KIF6: variants seen among roughly 807,000 people sequenced by gnomAD.
KIF6 encodes the protein kinesin-like protein KIF6.
In KIF6, 106 loss-of-function variants were observed where a neutral mutation model predicts 112.7. The observed-to-expected ratio is 0.94, with a 90% CI of 0.80 to 1.11. The LOEUF (loss-of-function observed/expected upper bound fraction) is 1.11, where lower values mean the gene tolerates loss of function less well. Among genes scored for constraint, KIF6 ranks in the 50% least tolerant of loss-of-function variants. The pLI is 0.00. For missense variants in KIF6, 929 were observed against 964.0 expected, an observed-to-expected ratio of 0.96 and a Z score of 0.48; for synonymous variants, 339 against 339.9, an observed-to-expected ratio of 1.00 and a Z score of 0.03.
chr6:39,387,556 T>C (rs566587554), intron 15 of KIF6, among the ~76,000 whole-genome samples: 45 of 151,648 alleles, frequency 3.0e-4, no homozygotes, highest in Non-Finnish European at 5.4e-4. Flanking sequence ...GGGGGAAGGG[T>C]GGGAACTTCA....
intron 3 of KIF6, among the ~76,000 whole-genome samples, chr6:39,661,748 G>A (rs1340110059): frequency 2.0e-5 from 3 of 152,086 alleles, no homozygotes; most frequent in East Asian, 1.9e-4. Flanking sequence ...GGCCCTTTCC[G>A]TGAAAAGCCG....
chr6:39,644,031 A>C (rs1327838807), intron 3 of KIF6, among the ~76,000 whole-genome samples: 1 of 152,180 alleles, frequency 6.6e-6, no homozygotes, highest in Admixed American at 6.6e-5. Flanking sequence ...ATTCGAATAG[A>C]CATTTCTCTA....
chr6:39,689,443 G>T lies in KIF6; in HGVS notation c.251+25249C>A, dbSNP rs566649529. 1.7e-3 allele frequency among the ~76,000 whole-genome samples: 255 copies of T among 151,608 alleles called. 2 individuals carry two copies. The highest frequency in any genetic ancestry group is 5.7e-3 in the African/African-American group (236 of 41,314). On this transcript the variant is annotated intron_variant, in intron 3 of 22. Transcript: ENST00000287152. Reference sequence around the variant, plus strand: ...CGTGGGGAGGCTGAGGCTGCAATGAGCCCTGGTCACACCACTGCACTCCAG... The same window carrying T: ...CGTGGGGAGGCTGAGGCTGCAATGATCCCTGGTCACACCACTGCACTCCAG...
chr6:39,669,001 A>T (rs991020728), intron 3 of KIF6, among the ~76,000 whole-genome samples: 2 of 152,176 alleles, frequency 1.3e-5, no homozygotes, highest in East Asian at 3.9e-4. Flanking sequence ...GTGAGAAAGT[A>T]ACTTGAATAA....
rs114126041 is a variant in KIF6, at chr6:39,524,930, G to C, written c.1645+15073C>G. ...ATAATCCACTGGCAAAGTAATTTGG[G>C]GATGCAATGTTCAATAAAATGAAAA... On this transcript the variant is annotated intron_variant, in intron 13 of 22. Coordinates refer to ENST00000287152, the MANE Select transcript of KIF6 (RefSeq NM_145027.6). 4.9e-3 allele frequency among the ~76,000 whole-genome samples: 746 copies of C among 152,248 alleles called. 5 individuals are homozygous for C. The highest frequency in any genetic ancestry group is 0.017 in the African/African-American group (700 of 41,538).
At chr6:39,602,956 G>A (rs965187693) in intron 6 of KIF6, among the ~76,000 whole-genome samples, 1 of 152,068 alleles carries the variant, frequency 6.6e-6, no homozygotes, top group Non-Finnish European at 1.5e-5. Context: ...TAACATTTGC[G>A]CATATAGACA....
intron 3 of KIF6, among the ~76,000 whole-genome samples, chr6:39,659,110 A>G (rs1785974183): frequency 6.6e-6 from 1 of 152,158 alleles, no homozygotes; most frequent in African/African-American, 2.4e-5. Context: ...TTTGTGCTGA[A>G]ATTTAAACCG....
At chr6:39,352,522 A>T (rs986823545) in intron 19 of KIF6, among the ~76,000 whole-genome samples, 3 of 152,072 alleles carry the variant, frequency 2.0e-5, no homozygotes, top group Non-Finnish European at 2.9e-5. Context: ...AGTTGGAATC[A>T]TATAATACAT....
At chr6:39,652,527 C>CA (rs35256748) in intron 3 of KIF6, among the ~76,000 whole-genome samples, 5,620 of 140,150 alleles carry the variant, frequency 0.04, 159 homozygotes, top group Admixed American at 0.063. Context: ...AACTCCATCT[C>CA]AAAAAAAAAA....
chr6:39,415,719 T>C (rs923600520), intron 15 of KIF6, among the ~76,000 whole-genome samples: 9 of 152,178 alleles, frequency 5.9e-5, no homozygotes, highest in African/African-American at 2.2e-4. Flanking sequence ...GTACAGAACA[T>C]GCACAGAACT....
intron 17 of KIF6, 83 bp from the exon 18 acceptor site, chr6:39,360,613 G>A (rs1195262350): frequency 3.1e-5 from 47 of 1,528,482 alleles, no homozygotes; most frequent in Non-Finnish European, 3.9e-5. Context: ...AATGGGGCCC[G>A]TGCCTCAGAA....
At chr6:39,626,442 A>T (rs1164312531) in intron 5 of KIF6, among the ~76,000 whole-genome samples, 1 of 151,862 alleles carries the variant, frequency 6.6e-6, no homozygotes, top group Non-Finnish European at 1.5e-5. Flanking sequence ...GAACACCAGC[A>T]CCCCCAGCTC....
At chr6:39,391,140 T>C (rs1169800491) in intron 15 of KIF6, among the ~76,000 whole-genome samples, 2 of 152,122 alleles carry the variant, frequency 1.3e-5, no homozygotes, top group Non-Finnish European at 2.9e-5. Context: ...AAAGAGACTA[T>C]CAGGAAGACA....
intron 13 of KIF6, among the ~76,000 whole-genome samples, chr6:39,440,876 A>G (rs369094246): frequency 1.3e-5 from 2 of 152,346 alleles, no homozygotes; most frequent in African/African-American, 4.8e-5. Context: ...TGGTGGCTTC[A>G]GCCAGAAACC....
chr6:39,699,007 T>C (rs536244160), intron 3 of KIF6, among the ~76,000 whole-genome samples: 3 of 152,310 alleles, frequency 2.0e-5, no homozygotes, highest in Admixed American at 2.0e-4. Flanking sequence ...AGCAGCTGCA[T>C]GTCTAACTGG....
chr6:39,718,244 A>G (rs796608648), intron 2 of KIF6, among the ~76,000 whole-genome samples: 2 of 151,178 alleles, frequency 1.3e-5, no homozygotes, highest in African/African-American at 4.9e-5. Context: ...AAAAAAAAAA[A>G]AAAAAAAAAG....
intron 3 of KIF6, among the ~76,000 whole-genome samples, chr6:39,660,618 A>AT (rs559207318): frequency 4.6e-4 from 70 of 151,718 alleles, no homozygotes; most frequent in Non-Finnish European, 7.2e-4. Flanking sequence ...CAAAAGCTAA[A>AT]TTTTTTTTTG....
chr6:39,406,599 A>G (rs1769104712), intron 15 of KIF6, among the ~76,000 whole-genome samples: 1 of 152,232 alleles, frequency 6.6e-6, no homozygotes, highest in Non-Finnish European at 1.5e-5. Context: ...GTTGAATGCT[A>G]TAAATTTCCC....
intron 5 of KIF6, among the ~76,000 whole-genome samples, chr6:39,621,224 CACACACACGT>C (rs1348200550): frequency 2.9e-5 from 4 of 139,310 alleles, no homozygotes; most frequent in South Asian, 2.6e-4. Context: ...CACACACACA[CACACACACGT>C]ACACATATAT....
Sources: allele counts gnomAD v4.1 joint callset (sites outside exome capture counted in the v4.1 genomes callset), GRCh38; gene constraint gnomAD v4.1.1; transcripts MANE v1.5; gene names NCBI Gene and HGNC (gene_info 2026-07-23, HGNC 2026-07-21).